Variants in GPC6 observed in about 807,000 individuals in gnomAD.
GPC6 encodes glypican 6.
GPC6 carries 14 observed loss-of-function variants against 55.2 expected under a neutral mutation model. The ratio of observed to expected loss-of-function variants is 0.25; its 90% CI spans 0.17 to 0.40. The LOEUF is 0.40. Among genes scored for constraint, GPC6 ranks in the 10% least tolerant of loss-of-function variants. The pLI is 1.00. For synonymous variants in GPC6, 278 were observed against 259.6 expected (o/e 1.07, Z -0.68); for missense variants, 641 against 708.5 (o/e 0.90, Z 1.08).
chr13:94,328,697 G>A (rs1233965111), intron 6 of GPC6, among the ~76,000 whole-genome samples: 1 of 152,214 alleles, frequency 6.6e-6, no homozygotes, highest in Non-Finnish European at 1.5e-5. Context: ...TGAACCTTAT[G>A]TTAGTCACTG....
At chr13:93,513,875 G>C (rs1881076185) in intron 1 of GPC6, among the ~76,000 whole-genome samples, 2 of 92,820 alleles carry the variant, frequency 2.2e-5, no homozygotes, top group South Asian at 8.0e-4. Flanking sequence ...CTGAATGATG[G>C]CTTTTTTTTT....
chr13:93,297,627 C>T (rs1026212923), intron 1 of GPC6, among the ~76,000 whole-genome samples: 2 of 151,920 alleles, frequency 1.3e-5, no homozygotes, highest in African/African-American at 4.8e-5. Flanking sequence ...TTTAACAGAA[C>T]AAAAAGTAAA....
At chr13:94,114,489 G>A (rs1886363539) in intron 4 of GPC6, among the ~76,000 whole-genome samples, 1 of 152,090 alleles carries the variant, frequency 6.6e-6, no homozygotes, top group African/African-American at 2.4e-5. Context: ...AGTGGGAAAG[G>A]CAGACTGAAC....
Position 93,598,739 on chromosome 13 carries a change from A to G in GPC6, c.319+53318A>G, listed in dbSNP as rs565184778. Among the ~76,000 whole-genome samples, 5 of 152,332 alleles carry G rather than the reference A, an allele frequency of 3.3e-5. No individual in the cohort carries two copies. The East Asian group carries it at 9.6e-4, about 29-fold the overall frequency. ...GACTGCAAAATTCTATGATTTTCCCATATTGCCACTACTGAACTGGCAGCC... is the reference window on the plus strand; with the variant it reads ...GACTGCAAAATTCTATGATTTTCCCGTATTGCCACTACTGAACTGGCAGCC... On this transcript the variant is annotated intron_variant, in intron 2 of 8. Transcript: ENST00000377047.
intron 2 of GPC6, among the ~76,000 whole-genome samples, chr13:93,546,236 G>A (rs758695924): frequency 5.9e-5 from 9 of 152,086 alleles, no homozygotes; most frequent in Non-Finnish European, 8.8e-5. Context: ...GGCTCCGTTG[G>A]TCCTACAACA....
intron 2 of GPC6, among the ~76,000 whole-genome samples, chr13:93,769,334 C>T (rs1751045709): frequency 6.6e-6 from 1 of 151,280 alleles, no homozygotes; most frequent in African/African-American, 2.4e-5. Flanking sequence ...ATGTGCAATG[C>T]TTTCTGATGC....
intron 1 of GPC6, among the ~76,000 whole-genome samples, chr13:93,513,046 G>A (rs1319067700): frequency 6.6e-6 from 1 of 152,114 alleles, no homozygotes; most frequent in Non-Finnish European, 1.5e-5. Context: ...ACTTGACTTT[G>A]TTAGCTATTG....
At chr13:94,096,484 C>G (rs1253566777) in intron 4 of GPC6, among the ~76,000 whole-genome samples, 1 of 152,120 alleles carries the variant, frequency 6.6e-6, no homozygotes, top group African/African-American at 2.4e-5. Context: ...GTTTCAGAGT[C>G]TTTCTCATCC....
chr13:93,842,165 C>A (rs1463483302), intron 3 of GPC6, among the ~76,000 whole-genome samples: 1 of 152,058 alleles, frequency 6.6e-6, no homozygotes, highest in South Asian at 2.1e-4. Context: ...AATTTTATAA[C>A]GCTTTAAAAA....
intron 3 of GPC6, among the ~76,000 whole-genome samples, chr13:93,928,500 A>G (rs1226751745): frequency 1.3e-5 from 2 of 152,182 alleles, no homozygotes; most frequent in Admixed American, 1.3e-4. Flanking sequence ...CAAGTAGTAC[A>G]TTCATGAGCT....
chr13:94,229,342 TG>T (rs1566569201), intron 4 of GPC6, among the ~76,000 whole-genome samples: 1 of 152,168 alleles, frequency 6.6e-6, no homozygotes, highest in Non-Finnish European at 1.5e-5. Flanking sequence ...CACAACACCT[TG>T]GAGGGCCTGG....
intron 1 of GPC6, among the ~76,000 whole-genome samples, chr13:93,321,257 A>G (rs1879427185): frequency 6.6e-6 from 1 of 152,116 alleles, no homozygotes; most frequent in African/African-American, 2.4e-5. Context: ...CCAGTGCCTA[A>G]TTTATTACTA....
At chr13:93,506,054 C>A (rs951506732) in intron 1 of GPC6, among the ~76,000 whole-genome samples, 9 of 152,088 alleles carry the variant, frequency 5.9e-5, no homozygotes, top group Non-Finnish European at 1.0e-4. Flanking sequence ...GAGGTTATGT[C>A]CTGTGACCAC....
chr13:93,487,630 A>T (rs545797485), intron 1 of GPC6, among the ~76,000 whole-genome samples: 12 of 152,086 alleles, frequency 7.9e-5, no homozygotes, highest in African/African-American at 2.9e-4. Context: ...CCCTGTCCAT[A>T]CCCCTTGTTG....
In GPC6 at chr13:93,261,089, C is replaced by G. The variant is rs138459307; in HGVS notation, c.160+33473C>G. Among the ~76,000 whole-genome samples, 348 of 152,156 alleles carry G rather than the reference C, an allele frequency of 2.3e-3. 2 individuals are homozygous for G. The highest frequency in any genetic ancestry group is 7.8e-3 in the African/African-American group (325 of 41,526). ...TTCTTATTCCTCTAGACCCAAGGAC[C>G]TAGAGATATTACCATGTCTTTGCTT... On this transcript the variant is annotated intron_variant, in intron 1 of 8. Transcript: ENST00000377047.
At chr13:94,279,300 T>C (rs1230105862) in intron 4 of GPC6, among the ~76,000 whole-genome samples, 2 of 152,104 alleles carry the variant, frequency 1.3e-5, no homozygotes, top group African/African-American at 2.4e-5. Flanking sequence ...TATCATTTTT[T>C]ATTGTGTCTA....
intron 2 of GPC6, among the ~76,000 whole-genome samples, chr13:93,774,083 G>C (rs1885385509): frequency 6.6e-6 from 1 of 152,262 alleles, no homozygotes; most frequent in East Asian, 1.9e-4. Flanking sequence ...ATATGACATG[G>C]GGCATGCCAG....
intron 1 of GPC6, among the ~76,000 whole-genome samples, chr13:93,533,831 A>G (rs1881955431): frequency 6.6e-6 from 1 of 152,020 alleles, no homozygotes; most frequent in Non-Finnish European, 1.5e-5. Flanking sequence ...TGCTTGAGAG[A>G]GAAATCTTCC....
intron 1 of GPC6, among the ~76,000 whole-genome samples, chr13:93,273,760 C>G (rs1877630265): frequency 6.6e-6 from 1 of 152,036 alleles, no homozygotes; most frequent in South Asian, 2.1e-4. Context: ...CATGATACTC[C>G]CTTTAAGATC....
Sources: gnomAD v4.1 joint callset for allele counts (sites outside exome capture counted in the v4.1 genomes callset) on GRCh38, gnomAD v4.1.1 for gene constraint, MANE v1.5 for transcripts, NCBI Gene and HGNC (gene_info 2026-07-23, HGNC 2026-07-21) for gene names.